Variants in RYR1 observed in about 807,000 individuals in gnomAD.
The protein encoded by RYR1 is ryanodine receptor 1, also known as central core disease of muscle.
Under a neutral mutation model 583.5 loss-of-function variants are expected in RYR1, and 342 were observed. That is an observed-to-expected ratio of 0.59 (90% CI 0.54 to 0.64). The LOEUF (loss-of-function observed/expected upper bound fraction) is 0.64. Among genes scored for constraint, RYR1 ranks in the 30% least tolerant of loss-of-function variants. The probability of loss-of-function intolerance (pLI) is 0.00; values close to 1 mark genes in which losing one functional copy is unlikely to be tolerated. For missense variants in RYR1, 6,032 were observed against 6,917.2 expected (o/e 0.87, Z 4.54); for synonymous variants, 2,791 against 2,822.5 (o/e 0.99, Z 0.35).
At chr19:38,559,104 G>A (rs1480712099) in intron 89 of RYR1, among the ~76,000 whole-genome samples, 2 of 151,782 alleles carry the variant, frequency 1.3e-5, no homozygotes, top group African/African-American at 2.4e-5. Context: ...AAGTAAGTAA[G>A]TAAATAAATA....
chr19:38,561,672 C>T lies in RYR1; in HGVS notation c.12624+218C>T, dbSNP rs1171128996. On this transcript the variant is annotated intron_variant, in intron 90 of 105. Transcript: ENST00000359596. The surrounding 1 kb of genome is among the most constrained non-coding windows in gnomAD (Gnocchi z 4.8). ...CCACTTCTTGCGGACCTGGCCCACA[C>T]AAGGATGCACACCCCTTGGGCATGA... 3.3e-5 allele frequency among the ~76,000 whole-genome samples: 5 copies of T among 152,344 alleles called. No individual in the cohort carries two copies. Among genetic ancestry groups the T allele is most frequent in the African/African-American group, 9.6e-5 (4 of 41,580 alleles).
chr19:38,580,091 G>A lies in RYR1; in HGVS notation c.14474G>A (p.Arg4825His), dbSNP rs193922875. 54 of 1,614,036 alleles carry A rather than the reference G, an allele frequency of 3.3e-5. No individual in the cohort carries two copies. Among genetic ancestry groups the A allele is most frequent in the Non-Finnish European group, 3.7e-5 (44 of 1,180,048 alleles). ...LDIAMGVKTL[R>H]TILSSVTHNG... Reference sequence around the variant, plus strand: ...ATCGCCATGGGGGTCAAGACGCTGCGCACCATCCTGTCCTCTGTCACCCAC... The same window carrying A: ...ATCGCCATGGGGGTCAAGACGCTGCACACCATCCTGTCCTCTGTCACCCAC... Residue 4825 changes from arginine (R) to histidine (H), a missense_variant, in exon 100 of 106, where the codon CGC (arginine) becomes CAC (histidine). Physicochemically the swap from Arg to His is conservative, Grantham distance 29. Transcript: ENST00000359596.
In RYR1 at chr19:38,577,906, T is replaced by C; in HGVS notation, c.14173-12T>C. ...CAGCTGTGTCTACACAGCCTGATGC[T>C]CTCTTGTGCAGGTCCTGGACAAACA... is the stretch of plus-strand genomic sequence containing the variant. On this transcript the variant is annotated splice_polypyrimidine_tract_variant and intron_variant, in intron 97 of 105. Coordinates refer to ENST00000359596, the MANE Select transcript of RYR1 (RefSeq NM_000540.3). 4 of 1,613,874 alleles carry C rather than the reference T, an allele frequency of 2.5e-6. No homozygotes were observed. Among genetic ancestry groups the C allele is most frequent in the Non-Finnish European group, 3.4e-6 (4 of 1,179,968 alleles).
In RYR1 at chr19:38,475,372, C is replaced by G. The variant is rs752410805; in HGVS notation, c.4215C>G (p.Pro1405=). The change falls in exon 29 of 106, where the codon CCC becomes CCG. Residue 1405 remains proline, a synonymous_variant. Coordinates refer to ENST00000359596, the MANE Select transcript of RYR1 (RefSeq NM_000540.3). ...VAMMTQPPAT[P]TLPRLPHDVV... ...TGATGACCCAGCCACCGGCCACCCC[C>G]ACGCTGCCCCGACTCCCTCACGACG... 21 of 1,613,098 alleles carry G rather than the reference C, an allele frequency of 1.3e-5. No individual in the cohort carries two copies. Among genetic ancestry groups the G allele is most frequent in the African/African-American group, 6.7e-5 (5 of 74,902 alleles).
At chr19:38,546,081 A>G (rs1171357305) in intron 87 of RYR1, among the ~76,000 whole-genome samples, 1 of 152,104 alleles carries the variant, frequency 6.6e-6, no homozygotes, top group Non-Finnish European at 1.5e-5. Context: ...TAGGCCAGGC[A>G]CAGTGCTGGG....
At chr19:38,534,465 T>C (rs1017004546) in intron 78 of RYR1, among the ~76,000 whole-genome samples, 1 of 152,220 alleles carries the variant, frequency 6.6e-6, no homozygotes, top group African/African-American at 2.4e-5. Context: ...ACAGATGGCC[T>C]GGAGGCCCAT....
At chr19:38,522,856 A>G (rs1056915576) in intron 67 of RYR1, among the ~76,000 whole-genome samples, 172 bp from the exon 68 acceptor site, 2 of 149,646 alleles carry the variant, frequency 1.3e-5, no homozygotes, top group Non-Finnish European at 3.0e-5. Flanking sequence ...AGGCTGAGAC[A>G]GAGAAAAAAA....
At chr19:38,505,994 T>A in intron 54 of RYR1, 48 bp downstream of exon 54, 4 of 1,574,292 alleles carry the variant, frequency 2.5e-6, no homozygotes, top group Non-Finnish European at 3.5e-6. Context: ...GGGGGGAGGG[T>A]CTAGAACAAG....
At chr19:38,515,829 G>A (rs565118274) in intron 64 of RYR1, among the ~76,000 whole-genome samples, 6 of 152,074 alleles carry the variant, frequency 3.9e-5, no homozygotes, top group African/African-American at 1.2e-4. Context: ...TAATCCCAGC[G>A]ACTCAGGAGG....
chr19:38,463,914 G>T, intron 22 of RYR1, 64 bp downstream of exon 22: 2 of 1,188,414 alleles, frequency 1.7e-6, no homozygotes, highest in South Asian at 2.4e-5. Flanking sequence ...GGGAGGCATG[G>T]AGAGACAGGG....
At chr19:38,558,142 C>T (rs915581859) in intron 89 of RYR1, among the ~76,000 whole-genome samples, 7 of 151,218 alleles carry the variant, frequency 4.6e-5, no homozygotes, top group Non-Finnish European at 1.0e-4. Context: ...GACCTTGTCT[C>T]TACAAAAAAA....
chr19:38,559,597 G>A (rs1469142786), intron 89 of RYR1, among the ~76,000 whole-genome samples: 1 of 151,990 alleles, frequency 6.6e-6, no homozygotes, highest in Admixed American at 6.6e-5. Flanking sequence ...GCAAGCAGAC[G>A]AGGTGAGGGC....
At chr19:38,527,590 C>G in intron 72 of RYR1, 57 bp from the exon 73 acceptor site, 1 of 1,607,678 alleles carries the variant, frequency 6.2e-7, no homozygotes, top group Non-Finnish European at 8.5e-7. Flanking sequence ...AGGGGACATC[C>G]GGCGGACACT....
In RYR1 at chr19:38,581,762, C is replaced by T. The variant is rs1444431116; in HGVS notation, c.14646+1258C>T. Among the ~76,000 whole-genome samples the T allele has an allele frequency of 3.3e-5, 5 of 152,098 alleles. No individual in the cohort carries two copies. In the East Asian group the frequency reaches 7.8e-4, roughly 24 times the overall value. The stretch of plus-strand genomic sequence containing the variant: ...TACAGGCGCACACTACCACACCCAG[C>T]TGATTTTTGTATTTTTAGTAGAGAT... On this transcript the variant is annotated intron_variant, in intron 101 of 105. Coordinates refer to ENST00000359596, the MANE Select transcript of RYR1 (RefSeq NM_000540.3).
chr19:38,551,025 C>CTTTTTTTTTTTTTTTTT lies in RYR1; in HGVS notation c.12282+2628_12282+2644dup, dbSNP rs71165560. Among the ~76,000 whole-genome samples the CTTTTTTTTTTTTTTTTT allele has an allele frequency of 4.8e-5, 2 of 41,358 alleles. 1 individual carries two copies. Among genetic ancestry groups the CTTTTTTTTTTTTTTTTT allele is most frequent in the Non-Finnish European group, 9.2e-5 (2 of 21,656 alleles). 27.1% of individuals were successfully genotyped at this position (41,358 alleles called of 152,430 possible). ...CATTTATATCAGTGTGGATTCACGG[C>CTTTTTTTTTTTTTTTTT]TTTTTTTTTTTTTTTTTTTTTTTTT... is the stretch of plus-strand genomic sequence containing the variant. On this transcript the variant is annotated intron_variant, in intron 89 of 105. Transcript: ENST00000359596.
At chr19:38,484,605 C>T (rs1165740055) in intron 33 of RYR1, among the ~76,000 whole-genome samples, 2 of 152,074 alleles carry the variant, frequency 1.3e-5, no homozygotes, top group Non-Finnish European at 2.9e-5. Context: ...TCAGGATGCT[C>T]GGACATGCCC....
chr19:38,529,470 ACT>A (rs997794496), intron 76 of RYR1, among the ~76,000 whole-genome samples: 70 of 152,148 alleles, frequency 4.6e-4, no homozygotes, highest in African/African-American at 1.6e-3. Context: ...ACAGAGCGAG[ACT>A]CTGTCTCAAA....
intron 30 of RYR1, 34 bp from the exon 31 acceptor site, chr19:38,478,401 T>A (rs1228553929): frequency 2.5e-6 from 4 of 1,609,606 alleles, no homozygotes; most frequent in Non-Finnish European, 3.4e-6. Context: ...GCTACTCACA[T>A]GAGGAGTGCA....
intron 99 of RYR1, 28 bp downstream of exon 99, chr19:38,578,232 G>A (rs1974047372): frequency 1.9e-6 from 3 of 1,609,776 alleles, no homozygotes; most frequent in Admixed American, 1.7e-5. Context: ...GACTGGGGAG[G>A]GACTCTGCAG....
Sources: allele counts gnomAD v4.1 joint callset (sites outside exome capture counted in the v4.1 genomes callset), GRCh38; gene constraint gnomAD v4.1.1; non-coding constraint Gnocchi (gnomAD v3.1); transcripts MANE v1.5; gene names NCBI Gene and HGNC (gene_info 2026-07-23, HGNC 2026-07-21).